The following CNTN5 variants were observed in gnomAD, a reference collection of about 807,000 sequenced individuals.
The protein encoded by CNTN5 is contactin 5, also known as contactin-5.
A neutral mutation model predicts 129.1 loss-of-function variants in CNTN5; 77 were observed. That is an observed-to-expected ratio of 0.60 (90% CI 0.50 to 0.72). The LOEUF (loss-of-function observed/expected upper bound fraction) is 0.72, where lower values mean the gene tolerates loss of function less well. CNTN5 is among the 30% of genes least tolerant of loss of function. The pLI is 0.00. For synonymous variants in CNTN5, 509 were observed against 465.6 expected (o/e 1.09, Z -1.20); for missense variants, 1,478 against 1,328.8 (o/e 1.11, Z -1.75).
At chr11:99,720,214 A>G (rs1489981348) in intron 3 of CNTN5, among the ~76,000 whole-genome samples, 1 of 152,148 alleles carries the variant, frequency 6.6e-6, no homozygotes, top group Non-Finnish European at 1.5e-5. Context: ...GCAGAGCCAT[A>G]GCAACAACAA....
intron 16 of CNTN5, among the ~76,000 whole-genome samples, chr11:100,234,652 G>T (rs1342892488): frequency 6.6e-6 from 1 of 151,872 alleles, no homozygotes; most frequent in East Asian, 1.9e-4. Flanking sequence ...AGCAGGGTGG[G>T]GGTGGTTGGG....
chr11:99,599,190 T>A (rs893466043), intron 3 of CNTN5, among the ~76,000 whole-genome samples: 3 of 152,080 alleles, frequency 2.0e-5, no homozygotes, highest in Admixed American at 2.0e-4. Context: ...TGTTTTTTTT[T>A]TAACATAAAA....
At chr11:99,403,100 G>A (rs190021346) in intron 2 of CNTN5, among the ~76,000 whole-genome samples, 151 of 149,176 alleles carry the variant, frequency 1.0e-3, no homozygotes, top group African/African-American at 3.4e-3. Context: ...TCCACCTCCC[G>A]GGTTCACGCC....
At chr11:99,993,378 T>C (rs1939243799) in intron 8 of CNTN5, among the ~76,000 whole-genome samples, 1 of 152,148 alleles carries the variant, frequency 6.6e-6, no homozygotes, top group African/African-American at 2.4e-5. Context: ...AGTTACCTCA[T>C]TTCTAAAAGA....
At chr11:100,338,665 G>A (rs1372065863) in intron 21 of CNTN5, among the ~76,000 whole-genome samples, 1 of 152,184 alleles carries the variant, frequency 6.6e-6, no homozygotes, top group Non-Finnish European at 1.5e-5. Flanking sequence ...GGGAGCACAT[G>A]AACAAGCTCC....
At chr11:99,976,439 G>C (rs1937978937) in intron 8 of CNTN5, among the ~76,000 whole-genome samples, 1 of 152,190 alleles carries the variant, frequency 6.6e-6, no homozygotes, top group South Asian at 2.1e-4. Context: ...TTGCCCAGTA[G>C]AGATGTTCTA....
chr11:99,446,843 C>T (rs964989881), intron 2 of CNTN5, among the ~76,000 whole-genome samples: 1 of 152,188 alleles, frequency 6.6e-6, no homozygotes, highest in Non-Finnish European at 1.5e-5. Context: ...GGACTTCATT[C>T]CCAACCTCAG....
chr11:99,825,263 T>A (rs1145404), intron 4 of CNTN5, among the ~76,000 whole-genome samples: 1 of 151,676 alleles, frequency 6.6e-6, no homozygotes, highest in East Asian at 1.9e-4. Flanking sequence ...GTTTTCTATA[T>A]GTAATTCCTC....
intron 1 of CNTN5, among the ~76,000 whole-genome samples, chr11:99,078,096 A>T (rs1282710396): frequency 6.6e-6 from 1 of 152,190 alleles, no homozygotes; most frequent in Non-Finnish European, 1.5e-5. Context: ...ATGGGGATTT[A>T]AAAATTATCT....
intron 9 of CNTN5, among the ~76,000 whole-genome samples, chr11:100,050,333 G>C (rs1179662685): frequency 2.0e-5 from 3 of 152,114 alleles, no homozygotes; most frequent in Non-Finnish European, 4.4e-5. Context: ...TAGGGACATG[G>C]ATGAAATTGG....
chr11:100,314,949 G>T (rs559843013), intron 21 of CNTN5, among the ~76,000 whole-genome samples: 1 of 152,240 alleles, frequency 6.6e-6, no homozygotes, highest in East Asian at 1.9e-4. Flanking sequence ...TACCTGCTAT[G>T]TTTTGATGCA....
In CNTN5 at chr11:99,419,403, T is replaced by A. The variant is rs531477141; in HGVS notation, c.-71+93919T>A. On this transcript the variant is annotated intron_variant, in intron 2 of 24. Transcript: ENST00000524871. ...GAGGTTTGTTTTATATTAAAAAAAATTTGTCTTACAAATTATTGTAATTAT... is the reference window on the plus strand; with the variant it reads ...GAGGTTTGTTTTATATTAAAAAAAAATTGTCTTACAAATTATTGTAATTAT... 4.6e-5 allele frequency among the ~76,000 whole-genome samples: 7 copies of A among 152,310 alleles called. No homozygotes were observed. The East Asian group carries it at 5.8e-4, about 13-fold the overall frequency.
chr11:99,789,535 G>A (rs541817238), intron 3 of CNTN5, among the ~76,000 whole-genome samples: 11 of 152,026 alleles, frequency 7.2e-5, no homozygotes, highest in Admixed American at 4.6e-4. Flanking sequence ...GATGTAATGG[G>A]CAATTGAATA....
At chr11:99,062,274 A>G (rs1864916362) in intron 1 of CNTN5, among the ~76,000 whole-genome samples, 1 of 152,200 alleles carries the variant, frequency 6.6e-6, no homozygotes, top group South Asian at 2.1e-4. Context: ...TGGTCTAATG[A>G]AAGAAATCCA....
intron 18 of CNTN5, among the ~76,000 whole-genome samples, chr11:100,286,512 G>T (rs1212058634): frequency 1.3e-4 from 19 of 149,498 alleles, no homozygotes; most frequent in African/African-American, 4.2e-4. Flanking sequence ...ACCTCACACG[G>T]CAGGGTATTC....
At chr11:99,727,097 GA>G (rs1943367684) in intron 3 of CNTN5, among the ~76,000 whole-genome samples, 1 of 150,684 alleles carries the variant, frequency 6.6e-6, no homozygotes, top group African/African-American at 2.4e-5. Flanking sequence ...ATGAGGTCAG[GA>G]GATCGAGACC....
intron 2 of CNTN5, among the ~76,000 whole-genome samples, chr11:99,474,185 A>T (rs1469504560): frequency 6.6e-6 from 1 of 151,130 alleles, no homozygotes; most frequent in Middle Eastern, 3.4e-3. Flanking sequence ...AAAATACTGT[A>T]TTGTAATAAG....
At chr11:99,436,506 G>A (rs1220408429) in intron 2 of CNTN5, among the ~76,000 whole-genome samples, 2 of 152,008 alleles carry the variant, frequency 1.3e-5, no homozygotes, top group Non-Finnish European at 2.9e-5. Flanking sequence ...TCTGTTTAAG[G>A]TACAGTTTCC....
chr11:99,459,653 A>T (rs1248254022), intron 2 of CNTN5, among the ~76,000 whole-genome samples: 3 of 152,038 alleles, frequency 2.0e-5, no homozygotes, highest in Non-Finnish European at 4.4e-5. Context: ...TATTTTAATT[A>T]TGTGCTGGTC....
Sources: allele counts gnomAD v4.1 joint callset (sites outside exome capture counted in the v4.1 genomes callset), GRCh38; gene constraint gnomAD v4.1.1; transcripts MANE v1.5; gene names NCBI Gene and HGNC (gene_info 2026-07-23, HGNC 2026-07-21).